Variants in ACTG2 observed in about 807,000 individuals in gnomAD.
ACTG2 encodes the protein actin gamma 2, smooth muscle, also known as actin, gamma-enteric smooth muscle.
ACTG2 carries 16 observed loss-of-function variants against 37.6 expected under a neutral mutation model. That is an observed-to-expected ratio of 0.43 (90% CI 0.29 to 0.65). ACTG2 has a LOEUF of 0.65. ACTG2 is among the 30% of genes least tolerant of loss of function. The probability of loss-of-function intolerance (pLI) is 0.18; values close to 1 mark genes in which losing one functional copy is unlikely to be tolerated. For missense variants in ACTG2, 238 were observed against 490.9 expected (o/e 0.48, Z 4.87); for synonymous variants, 181 against 179.9 (o/e 1.01, Z -0.05).
intron 3 of ACTG2, among the ~76,000 whole-genome samples, chr2:73,905,439 A>C (rs1433328273): frequency 1.3e-5 from 2 of 152,204 alleles, no homozygotes; most frequent in African/African-American, 4.8e-5. Flanking sequence ...TGAACAGTTA[A>C]TGCAAATTGA....
At position 73,914,558 on chromosome 2, in the gene ACTG2, C is replaced by CAA. The variant is rs59417466; in HGVS notation, c.614-104_614-103dup. On this transcript the variant is annotated intron_variant, in intron 6 of 8. Transcript: ENST00000345517. ...TGGGTGACAGAGTGAGACTCTGTCT[C>CAA]AAAAAAAAAAAAAAAAAAAGAATAA... 4.7e-3 allele frequency: 2,446 copies of CAA among 515,040 alleles called. 27 individuals are homozygous for CAA. The highest frequency in any genetic ancestry group is 0.034 in the African/African-American group (1,429 of 42,236). The allele number at this position is 515,040 out of a possible 1,614,324, so 31.9% of individuals were successfully genotyped here.
At position 73,911,747 on chromosome 2, in the gene ACTG2, T is replaced by C. The variant is rs544230720; in HGVS notation, c.452-1738T>C. On this transcript the variant is annotated intron_variant, in intron 5 of 8. Transcript: ENST00000345517. ...TTATAATATTATGGCACCACCATTG[T>C]GTATGTGGTCCGAAGTTGACCAAAA... Among the ~76,000 whole-genome samples the C allele has an allele frequency of 5.9e-5, 9 of 152,338 alleles. No homozygotes were observed. In the East Asian group the frequency reaches 1.7e-3, roughly 29 times the overall value.
At position 73,916,676 on chromosome 2, in the gene ACTG2, C is replaced by T. The variant is rs1194901451; in HGVS notation, c.898C>T (p.Leu300Phe). The change falls in exon 8 of 9, where the codon CTC becomes TTC. Residue 300 changes from leucine (L) to phenylalanine (F), a missense_variant. Transcript: ENST00000345517. ...TAAGGACTTATATGCCAACAATGTC[C>T]TCTCTGGGGGCACCACCATGTACCC... ...IRKDLYANNV[L>F]SGGTTMYPGI... 1 of 1,614,088 alleles carries T rather than the reference C, an allele frequency of 6.2e-7. No homozygotes were observed. The highest frequency in any genetic ancestry group is 1.1e-5 in the South Asian group (1 of 91,070).
intron 7 of ACTG2, 133 bp from the exon 8 acceptor site, chr2:73,916,451 A>C (rs1386845370): frequency 1.6e-5 from 12 of 747,204 alleles, no homozygotes; most frequent in Non-Finnish European, 2.6e-5. Flanking sequence ...GTATGATCTT[A>C]TAATCCTTCT....
intron 5 of ACTG2, among the ~76,000 whole-genome samples, chr2:73,910,362 C>T (rs963400570): frequency 1.8e-4 from 22 of 121,700 alleles, no homozygotes; most frequent in African/African-American, 4.7e-4. Flanking sequence ...CATCTTTTTT[C>T]GACTTTTTTT....
At chr2:73,908,968 C>A in intron 4 of ACTG2, 87 bp from the exon 5 acceptor site, 2 of 1,385,020 alleles carry the variant, frequency 1.4e-6, no homozygotes, top group Non-Finnish European at 2.1e-6. Flanking sequence ...ATAGTTCCTG[C>A]CCTTAATGAG....
chr2:73,900,716 C>T (rs961881400), intron 1 of ACTG2, among the ~76,000 whole-genome samples: 1 of 152,200 alleles, frequency 6.6e-6, no homozygotes, highest in East Asian at 1.9e-4. Context: ...TATGCAAATG[C>T]AGCCTCCTTG....
At chr2:73,918,870 A>T (rs1228302639) in intron 8 of ACTG2, among the ~76,000 whole-genome samples, 2 of 152,218 alleles carry the variant, frequency 1.3e-5, no homozygotes, top group African/African-American at 4.8e-5. Context: ...CCCCTTATAG[A>T]TATTTGTATT....
intron 1 of ACTG2, among the ~76,000 whole-genome samples, chr2:73,899,031 T>C (rs181617707): frequency 0.01 from 1,546 of 152,084 alleles, 14 homozygotes; most frequent in Middle Eastern, 0.034. Context: ...AGGATGGTCT[T>C]GATCTCCTGA....
At chr2:73,901,755 G>T (rs1679889671) in intron 2 of ACTG2, 1 of 345,496 alleles carries the variant, frequency 2.9e-6, no homozygotes, top group African/African-American at 2.1e-5. Flanking sequence ...GCTTACATTT[G>T]GGGGGTTGCC....
intron 3 of ACTG2, among the ~76,000 whole-genome samples, chr2:73,904,769 G>A (rs1472395067): frequency 3.0e-4 from 11 of 36,362 alleles, no homozygotes; most frequent in South Asian, 1.1e-3. Context: ...GTGTGTGTGT[G>A]TGTGTGTGTA....
At chr2:73,893,227 A>G (rs555387727) in intron 1 of ACTG2, among the ~76,000 whole-genome samples, 176 bp downstream of exon 1, 1 of 152,298 alleles carries the variant, frequency 6.6e-6, no homozygotes, top group South Asian at 2.1e-4. Flanking sequence ...GAAAAGGCGT[A>G]TCTGGCCATG....
At chr2:73,902,675 T>C in intron 3 of ACTG2, 187 bp downstream of exon 3, 1 of 1,551,918 alleles carries the variant, frequency 6.4e-7, no homozygotes, top group Non-Finnish European at 8.7e-7. Context: ...CCTGGACTAT[T>C]GCAATGGCTT....
intron 3 of ACTG2, among the ~76,000 whole-genome samples, chr2:73,907,146 C>T (rs1680033772): frequency 6.6e-6 from 1 of 152,192 alleles, no homozygotes; most frequent in Non-Finnish European, 1.5e-5. Flanking sequence ...CCTACCTCTT[C>T]TTTCACTTAA....
At chr2:73,900,725 T>C (rs1679855021) in intron 1 of ACTG2, among the ~76,000 whole-genome samples, 1 of 152,254 alleles carries the variant, frequency 6.6e-6, no homozygotes, top group Admixed American at 6.5e-5. Flanking sequence ...GCAGCCTCCT[T>C]GTAAAAAAAT....
chr2:73,902,275 C>T, intron 2 of ACTG2, 85 bp from the exon 3 acceptor site: 1 of 1,510,034 alleles, frequency 6.6e-7, no homozygotes, highest in Non-Finnish European at 9.0e-7. Flanking sequence ...CATCCTTATC[C>T]TTCTTCAGAG....
chr2:73,895,441 T>C (rs1010223590), intron 1 of ACTG2, among the ~76,000 whole-genome samples: 1 of 152,214 alleles, frequency 6.6e-6, no homozygotes, highest in African/African-American at 2.4e-5. Context: ...GAATTTTCCA[T>C]CGTGGCAGTG....
intron 7 of ACTG2, among the ~76,000 whole-genome samples, chr2:73,916,284 G>T (rs753577865): frequency 6.6e-6 from 1 of 151,486 alleles, no homozygotes; most frequent in Non-Finnish European, 1.5e-5. Flanking sequence ...GCTGAGACAT[G>T]AGAATCACTT....
intron 1 of ACTG2, among the ~76,000 whole-genome samples, chr2:73,894,550 G>A (rs577882645): frequency 6.6e-6 from 1 of 152,152 alleles, no homozygotes; most frequent in Non-Finnish European, 1.5e-5. Context: ...CTGCTCCTTA[G>A]GGACAGTGGA....
Sources: gnomAD v4.1 joint callset for allele counts (sites outside exome capture counted in the v4.1 genomes callset) on GRCh38, gnomAD v4.1.1 for gene constraint, MANE v1.5 for transcripts, NCBI Gene and HGNC (gene_info 2026-07-23, HGNC 2026-07-21) for gene names.